Variants in SHISA9 observed in about 807,000 individuals in gnomAD.
SHISA9 encodes protein shisa-9.
A neutral mutation model predicts 38.0 loss-of-function variants in SHISA9; 13 were observed. The observed-to-expected ratio is 0.34, with a 90% CI of 0.22 to 0.54. SHISA9 has a LOEUF of 0.54. Ranked by LOEUF, SHISA9 falls within the 20% of genes least tolerant of loss-of-function variation. The probability of loss-of-function intolerance (pLI) is 0.91; values close to 1 mark genes in which losing one functional copy is unlikely to be tolerated. For synonymous variants in SHISA9, 275 were observed against 242.0 expected, an observed-to-expected ratio of 1.14 and a Z score of -1.27; for missense variants, 538 against 575.8, an observed-to-expected ratio of 0.93 and a Z score of 0.67.
chr16:13,420,245 C>CAAAAAAAA, the SHISA9 span, among the ~76,000 whole-genome samples: 4,207 of 50,380 alleles, frequency 0.084, 742 homozygotes, highest in Non-Finnish European at 0.098. Flanking sequence ...GAATCTGTTT[C>CAAAAAAAA]AAAAAAAAAA....
intron 2 of SHISA9, among the ~76,000 whole-genome samples, chr16:13,111,787 G>T (rs1230923640): frequency 6.6e-6 from 1 of 152,178 alleles, no homozygotes; most frequent in East Asian, 1.9e-4. Context: ...TTTGGATTCT[G>T]TAAATGTGTG....
the SHISA9 span, among the ~76,000 whole-genome samples, chr16:13,256,178 G>A: frequency 6.6e-6 from 1 of 152,208 alleles, no homozygotes; most frequent in African/African-American, 2.4e-5. Flanking sequence ...CCTTTAAGAC[G>A]CAGATCAGAT....
the SHISA9 span, among the ~76,000 whole-genome samples, chr16:13,544,833 C>A: frequency 6.6e-6 from 1 of 152,252 alleles, no homozygotes; most frequent in Non-Finnish European, 1.5e-5. Context: ...ATCCCAGCTA[C>A]TCAGGAGGCT....
the SHISA9 span, among the ~76,000 whole-genome samples, chr16:13,290,153 T>C: frequency 1.3e-5 from 2 of 152,138 alleles, no homozygotes; most frequent in Non-Finnish European, 2.9e-5. Context: ...TTAGAGCCCA[T>C]TTGTAGTATG....
the SHISA9 span, among the ~76,000 whole-genome samples, chr16:13,460,401 C>T: frequency 5.8e-4 from 88 of 151,950 alleles, 1 homozygote; most frequent in African/African-American, 2.1e-3. Context: ...TCACAACAAG[C>T]CCCCCCGATC....
At chr16:13,108,458 G>T (rs940942392) in intron 2 of SHISA9, among the ~76,000 whole-genome samples, 1 of 152,036 alleles carries the variant, frequency 6.6e-6, no homozygotes, top group Admixed American at 6.6e-5. Flanking sequence ...GAGTCTTGGG[G>T]TCTTGCTAAG....
the SHISA9 span, among the ~76,000 whole-genome samples, chr16:13,482,706 C>T: frequency 6.6e-6 from 1 of 150,978 alleles, no homozygotes; most frequent in African/African-American, 2.4e-5. Context: ...AAGGCTGAGG[C>T]AGGAGAACCA....
chr16:13,420,075 G>A, the SHISA9 span, among the ~76,000 whole-genome samples: 2,835 of 151,776 alleles, frequency 0.019, 81 homozygotes, highest in African/African-American at 0.063. Flanking sequence ...GCGAAACCCC[G>A]TCTCTACTAA....
chr16:13,314,144 A>G, the SHISA9 span, among the ~76,000 whole-genome samples: 11 of 152,076 alleles, frequency 7.2e-5, no homozygotes, highest in African/African-American at 2.7e-4. Flanking sequence ...CTTTAGGATT[A>G]ATTCTAAAGC....
At chr16:13,069,000 A>T (rs1288190165) in intron 2 of SHISA9, among the ~76,000 whole-genome samples, 1 of 151,096 alleles carries the variant, frequency 6.6e-6, no homozygotes, top group Non-Finnish European at 1.5e-5. Flanking sequence ...CAATGTGTGT[A>T]TGTGCGTATG....
intron 2 of SHISA9, among the ~76,000 whole-genome samples, chr16:13,185,624 C>T (rs1281868058): frequency 6.6e-6 from 1 of 152,202 alleles, no homozygotes; most frequent in Non-Finnish European, 1.5e-5. Context: ...TTTTTAATAA[C>T]CTCACATGTG....
intron 2 of SHISA9, among the ~76,000 whole-genome samples, chr16:13,193,275 T>C (rs1353729676): frequency 1.3e-5 from 2 of 152,224 alleles, no homozygotes; most frequent in Non-Finnish European, 2.9e-5. Context: ...TTTCCTTGTT[T>C]GTAAAATAGG....
At chr16:13,047,522 G>C (rs1193804418) in intron 2 of SHISA9, among the ~76,000 whole-genome samples, 6 of 152,158 alleles carry the variant, frequency 3.9e-5, no homozygotes, top group African/African-American at 7.2e-5. Flanking sequence ...AAAGAGCTCT[G>C]GGAAGGTTTG....
At chr16:13,458,433 C>G in the SHISA9 span, 1 of 388,434 alleles carries the variant, frequency 2.6e-6, no homozygotes, top group South Asian at 2.1e-5. Context: ...TTACTGAAAA[C>G]CTTCAGTCTC....
At chr16:13,459,799 C>T in the SHISA9 span, among the ~76,000 whole-genome samples, 7 of 152,206 alleles carry the variant, frequency 4.6e-5, no homozygotes, top group Admixed American at 6.5e-5. Flanking sequence ...GGCATCATGC[C>T]GTTATCTGGC....
intron 2 of SHISA9, among the ~76,000 whole-genome samples, chr16:13,173,157 A>G (rs201756757): frequency 0.034 from 3,025 of 88,234 alleles, 73 homozygotes; most frequent in African/African-American, 0.098. Flanking sequence ...ACGTGCGCAC[A>G]CACACACACA....
At chr16:13,047,097 G>A (rs949145402) in intron 2 of SHISA9, among the ~76,000 whole-genome samples, 9 of 152,086 alleles carry the variant, frequency 5.9e-5, no homozygotes, top group African/African-American at 9.7e-5. Flanking sequence ...ATGATAAACC[G>A]AAAAAGGCTA....
At chr16:13,347,875 A>G in the SHISA9 span, among the ~76,000 whole-genome samples, 2 of 151,982 alleles carry the variant, frequency 1.3e-5, no homozygotes, top group Non-Finnish European at 2.9e-5. Flanking sequence ...TAATCCCAAG[A>G]ACTTGTGAAT....
At chr16:13,499,374 G>C in the SHISA9 span, among the ~76,000 whole-genome samples, 2 of 152,162 alleles carry the variant, frequency 1.3e-5, no homozygotes, top group Admixed American at 6.5e-5. Context: ...TCTAAAAGCG[G>C]TGCTCTGTAA....
Sources: gnomAD v4.1 joint callset for allele counts (sites outside exome capture counted in the v4.1 genomes callset) on GRCh38, gnomAD v4.1.1 for gene constraint, MANE v1.5 for transcripts, NCBI Gene and HGNC (gene_info 2026-07-23, HGNC 2026-07-21) for gene names.